Variants in TMEM273 observed in about 807,000 individuals in gnomAD.
The protein encoded by TMEM273 is chromosome 10 open reading frame 128.
Under a neutral mutation model 17.9 loss-of-function variants are expected in TMEM273, and 19 were observed. The observed-to-expected ratio is 1.06, with a 90% CI of 0.74 to 1.55. The LOEUF (loss-of-function observed/expected upper bound fraction) is 1.55, where lower values mean the gene tolerates loss of function less well. Among genes scored for constraint, TMEM273 ranks in the 40% most tolerant of loss-of-function variants. TMEM273 has a pLI of 0.00. For synonymous variants in TMEM273, 66 were observed against 62.0 expected, an observed-to-expected ratio of 1.07 and a Z score of -0.31; for missense variants, 194 against 155.6, an observed-to-expected ratio of 1.25 and a Z score of -1.31.
rs897567536 is a variant in TMEM273 at position 49,155,303 on chromosome 10, C to G, written c.*589G>C. The G allele has an allele frequency of 3.3e-5, 5 of 153,436 alleles. No homozygotes were observed. Among genetic ancestry groups the G allele is most frequent in the African/African-American group, 1.2e-4 (5 of 41,438 alleles). The allele number at this position is 153,436 out of a possible 1,614,324, so 9.5% of individuals were successfully genotyped here. Reference sequence around the variant, plus strand: ...CCATGAACACCAAAGCCCTTCCTACCACGCCAGCCCAGACTGCCATTTCCC... The same window carrying G: ...CCATGAACACCAAAGCCCTTCCTACGACGCCAGCCCAGACTGCCATTTCCC... On this transcript the variant is annotated 3_prime_UTR_variant, in exon 7 of 7. Transcript: ENST00000374153.
intron 6 of TMEM273, 169 bp from the exon 7 acceptor site, chr10:49,156,078 G>T: frequency 1.9e-6 from 3 of 1,544,090 alleles, no homozygotes. Flanking sequence ...GAAGGCCAGT[G>T]GCTTCTGGGT....
At chr10:49,171,969 T>C (rs1846602628) in intron 1 of TMEM273, among the ~76,000 whole-genome samples, 2 of 152,212 alleles carry the variant, frequency 1.3e-5, no homozygotes, top group Non-Finnish European at 2.9e-5. Flanking sequence ...GGATTCCCAG[T>C]TGTGGGCCAG....
chr10:49,170,120 G>C (rs1409414269), intron 1 of TMEM273, among the ~76,000 whole-genome samples: 2 of 152,262 alleles, frequency 1.3e-5, no homozygotes, highest in Admixed American at 1.3e-4. Context: ...TCCGAGCAGA[G>C]AGGAAGGAAG....
intron 1 of TMEM273, among the ~76,000 whole-genome samples, chr10:49,171,985 G>A (rs137936994): frequency 4.3e-4 from 65 of 152,314 alleles, no homozygotes; most frequent in African/African-American, 1.4e-3. Context: ...GCCAGTAGGC[G>A]TGCGTGCACT....
In TMEM273 at chr10:49,166,884, G is replaced by A. The variant is rs1355714435; in HGVS notation, c.223C>T (p.Pro75Ser). 6.2e-7 allele frequency: 1 copy of A among 1,613,898 alleles called. No homozygotes were observed. The highest frequency in any genetic ancestry group is 8.5e-7 in the Non-Finnish European group (1 of 1,180,010). The change falls in exon 3 of 7, where the codon CCT becomes TCT. Residue 75 changes from proline (P) to serine (S), a missense_variant. Pro to Ser is a moderately conservative substitution (Grantham distance 74, BLOSUM62 -1). Coordinates refer to ENST00000374153, the MANE Select transcript of TMEM273 (RefSeq NM_001288740.3). Reference protein sequence around the residue: ...DDDSSDLKSTPGGLSDTIPLK... With the variant: ...DDDSSDLKSTSGGLSDTIPLK... ...CATCCCTCACCACTGAGGCCCCCAG[G>A]CGTGCTTTTCAGGTCGGAAGAGTCG...
At chr10:49,161,914 C>A (rs983911451) in intron 5 of TMEM273, among the ~76,000 whole-genome samples, 2 of 152,170 alleles carry the variant, frequency 1.3e-5, no homozygotes, top group Admixed American at 1.3e-4. Flanking sequence ...AAACTCCCAT[C>A]CAGCCATTGC....
chr10:49,168,691 A>AGGGC (rs1846355567), intron 1 of TMEM273, among the ~76,000 whole-genome samples: 1 of 24,672 alleles, frequency 4.1e-5, no homozygotes, highest in African/African-American at 3.6e-4. Flanking sequence ...GAAGGAAGGA[A>AGGGC]GGGAGGGAGG....
intron 3 of TMEM273, 95 bp from the exon 4 acceptor site, chr10:49,165,891 C>T (rs1306213077): frequency 1.2e-5 from 19 of 1,536,736 alleles, no homozygotes; most frequent in African/African-American, 2.7e-5. Context: ...TTGGTCCTCT[C>T]ACTCACGGTT....
chr10:49,170,510 C>A (rs1846492949), intron 1 of TMEM273, among the ~76,000 whole-genome samples: 1 of 152,200 alleles, frequency 6.6e-6, no homozygotes, highest in Non-Finnish European at 1.5e-5. Context: ...GTGAGGCTTC[C>A]CCTAATCCCT....
intron 1 of TMEM273, among the ~76,000 whole-genome samples, chr10:49,171,972 T>A (rs750754017): frequency 6.6e-6 from 1 of 152,224 alleles, no homozygotes; most frequent in Non-Finnish European, 1.5e-5. Context: ...TTCCCAGTTG[T>A]GGGCCAGTAG....
intron 1 of TMEM273, among the ~76,000 whole-genome samples, chr10:49,187,792 G>A (rs1300774598): frequency 1.3e-5 from 2 of 152,194 alleles, no homozygotes; most frequent in African/African-American, 4.8e-5. Flanking sequence ...ATACCTCTGA[G>A]TAGCAAAGAG....
At chr10:49,181,930 C>G (rs1847368529) in intron 1 of TMEM273, among the ~76,000 whole-genome samples, 1 of 152,150 alleles carries the variant, frequency 6.6e-6, no homozygotes, top group Admixed American at 6.5e-5. Context: ...TATTTGCACT[C>G]CACATATTTG....
At chr10:49,168,680 G>A (rs1467990386) in intron 1 of TMEM273, among the ~76,000 whole-genome samples, 2 of 116,636 alleles carry the variant, frequency 1.7e-5, no homozygotes, top group East Asian at 2.6e-4. Flanking sequence ...AAGAAAGGAA[G>A]GAAGGAAGGA....
chr10:49,183,089 G>A (rs1028021616), intron 1 of TMEM273, among the ~76,000 whole-genome samples: 59 of 152,180 alleles, frequency 3.9e-4, no homozygotes, highest in African/African-American at 1.4e-3. Flanking sequence ...ATGTGACACA[G>A]TTGGTCACCC....
At chr10:49,172,055 T>C (rs980641657) in intron 1 of TMEM273, among the ~76,000 whole-genome samples, 4 of 152,232 alleles carry the variant, frequency 2.6e-5, no homozygotes, top group African/African-American at 9.6e-5. Flanking sequence ...TAAGTGTTTG[T>C]CAATGATGCC....
intron 1 of TMEM273, among the ~76,000 whole-genome samples, chr10:49,184,210 C>T (rs1847527939): frequency 6.6e-6 from 1 of 152,056 alleles, no homozygotes; most frequent in Admixed American, 6.6e-5. Context: ...AATTAAAGAC[C>T]TAATCATAAA....
intron 1 of TMEM273, among the ~76,000 whole-genome samples, chr10:49,187,873 C>T (rs1847822641): frequency 6.6e-6 from 1 of 152,216 alleles, no homozygotes; most frequent in Non-Finnish European, 1.5e-5. Flanking sequence ...TACATGTTCT[C>T]ATTCTATGTC....
intron 4 of TMEM273, 99 bp from the exon 5 acceptor site, chr10:49,165,382 C>G (rs557464574): frequency 1.3e-6 from 2 of 1,536,056 alleles, no homozygotes; most frequent in Non-Finnish European, 1.8e-6. Context: ...GAGCAGGGTA[C>G]CTTGATGCCA....
intron 1 of TMEM273, among the ~76,000 whole-genome samples, chr10:49,168,207 GA>G (rs1214911046): frequency 7.2e-5 from 11 of 152,266 alleles, no homozygotes; most frequent in African/African-American, 2.6e-4. Flanking sequence ...TCCAAGACCT[GA>G]ACTCTGACCC....
Sources: gnomAD v4.1 joint callset for allele counts (sites outside exome capture counted in the v4.1 genomes callset) on GRCh38, gnomAD v4.1.1 for gene constraint, MANE v1.5 for transcripts, NCBI Gene and HGNC (gene_info 2026-07-23, HGNC 2026-07-21) for gene names.